Variants in PBX3 observed in about 807,000 individuals in gnomAD.
The protein encoded by PBX3 is pre-B-cell leukemia transcription factor 3.
A neutral mutation model predicts 48.5 loss-of-function variants in PBX3; 14 were observed. The observed-to-expected ratio is 0.29, with a 90% CI of 0.19 to 0.45. PBX3 has a LOEUF of 0.45. Among genes scored for constraint, PBX3 ranks in the 20% least tolerant of loss-of-function variants. PBX3 has a pLI of 1.00. For synonymous variants in PBX3, 210 were observed against 200.3 expected, an observed-to-expected ratio of 1.05 and a Z score of -0.41; for missense variants, 386 against 546.7, an observed-to-expected ratio of 0.71 and a Z score of 2.93.
chr9:125,814,265 A>G (rs971699706), intron 2 of PBX3, among the ~76,000 whole-genome samples: 4 of 134,312 alleles, frequency 3.0e-5, no homozygotes, highest in African/African-American at 8.2e-5. Flanking sequence ...CGCAGTTATT[A>G]TATTTTTCTA....
chr9:125,952,485 A>G (rs1842215104), intron 5 of PBX3, among the ~76,000 whole-genome samples: 1 of 152,220 alleles, frequency 6.6e-6, no homozygotes, highest in South Asian at 2.1e-4. Context: ...TAATTAATAA[A>G]TTGGCTTTCA....
chr9:125,943,307 A>T (rs905775474), intron 5 of PBX3, among the ~76,000 whole-genome samples: 1 of 137,044 alleles, frequency 7.3e-6, no homozygotes, highest in African/African-American at 2.8e-5. Flanking sequence ...GTGAGCCAAG[A>T]TCATGCCATT....
intron 2 of PBX3, among the ~76,000 whole-genome samples, chr9:125,754,789 G>C (rs1307395188): frequency 6.6e-6 from 1 of 151,954 alleles, no homozygotes; most frequent in Non-Finnish European, 1.5e-5. Flanking sequence ...AAAAAAATTG[G>C]TGTGATAGAA....
intron 2 of PBX3, among the ~76,000 whole-genome samples, chr9:125,751,203 A>G (rs764395829): frequency 1.3e-5 from 2 of 152,226 alleles, no homozygotes; most frequent in Admixed American, 1.3e-4. Flanking sequence ...AACCAGAAAC[A>G]TTATGTTGAT....
At chr9:125,879,889 A>G (rs570684211) in intron 2 of PBX3, among the ~76,000 whole-genome samples, 17 of 152,324 alleles carry the variant, frequency 1.1e-4, no homozygotes, top group African/African-American at 4.1e-4. Flanking sequence ...AATGGTTTGA[A>G]TACTTTCTCT....
At chr9:125,776,095 C>A (rs1015818704) in intron 2 of PBX3, among the ~76,000 whole-genome samples, 4 of 152,158 alleles carry the variant, frequency 2.6e-5, no homozygotes, top group Admixed American at 1.3e-4. Flanking sequence ...CTTCTTCTTT[C>A]CTCAATGATC....
chr9:125,861,385 C>T (rs1288915184), intron 2 of PBX3, among the ~76,000 whole-genome samples: 4 of 152,076 alleles, frequency 2.6e-5, no homozygotes. Context: ...AATCCTCCTA[C>T]ACAGCTGGTG....
Position 125,934,709 on chromosome 9 carries a change from T to C in PBX3, c.708-763T>C, listed in dbSNP as rs1219510422. Reference sequence around the variant, plus strand: ...AATCCTTCCCAATGCATTTTTTTTTTCCTAAACTTCCTTCTCTATCTCCCT... The same window carrying C: ...AATCCTTCCCAATGCATTTTTTTTTCCCTAAACTTCCTTCTCTATCTCCCT... On this transcript the variant is annotated intron_variant, in intron 4 of 8. Coordinates refer to ENST00000373489, the MANE Select transcript of PBX3 (RefSeq NM_006195.6). 1.1e-4 allele frequency among the ~76,000 whole-genome samples: 16 copies of C among 152,164 alleles called. No homozygotes were observed. In the South Asian group the frequency reaches 1.7e-3, roughly 16 times the overall value.
At chr9:125,941,984 A>G (rs1355742851) in intron 5 of PBX3, among the ~76,000 whole-genome samples, 1 of 152,274 alleles carries the variant, frequency 6.6e-6, no homozygotes, top group Non-Finnish European at 1.5e-5. Context: ...CTGTAAAGAA[A>G]GGATTGATTT....
At chr9:125,811,826 G>A (rs947960020) in intron 2 of PBX3, among the ~76,000 whole-genome samples, 3 of 151,836 alleles carry the variant, frequency 2.0e-5, no homozygotes, top group African/African-American at 7.3e-5. Flanking sequence ...TTCATCATGG[G>A]GGCTCTGTCC....
intron 2 of PBX3, among the ~76,000 whole-genome samples, chr9:125,897,136 T>G (rs1840788893): frequency 7.4e-6 from 1 of 134,330 alleles, no homozygotes; most frequent in African/African-American, 2.8e-5. Flanking sequence ...TTATATTCAT[T>G]TGTGGTTTTT....
At chr9:125,815,381 C>T (rs1465715255) in intron 2 of PBX3, among the ~76,000 whole-genome samples, 2 of 152,060 alleles carry the variant, frequency 1.3e-5, no homozygotes, top group Non-Finnish European at 2.9e-5. Context: ...AAATTGTTGA[C>T]TGTATATCAT....
At chr9:125,914,810 A>G (rs1009479413) in intron 2 of PBX3, among the ~76,000 whole-genome samples, 2 of 152,222 alleles carry the variant, frequency 1.3e-5, no homozygotes, top group African/African-American at 2.4e-5. Flanking sequence ...TTTTTATACC[A>G]TGATAATTAT....
At chr9:125,820,277 A>G (rs1013725333) in intron 2 of PBX3, among the ~76,000 whole-genome samples, 1 of 152,216 alleles carries the variant, frequency 6.6e-6, no homozygotes, top group African/African-American at 2.4e-5. Flanking sequence ...CTTCACCCAA[A>G]TAGATTGTGG....
At chr9:125,788,227 A>G (rs1564655085) in intron 2 of PBX3, among the ~76,000 whole-genome samples, 2 of 152,250 alleles carry the variant, frequency 1.3e-5, no homozygotes, top group African/African-American at 2.4e-5. Context: ...TGAAACCCAT[A>G]TAAGCACTGT....
intron 2 of PBX3, among the ~76,000 whole-genome samples, chr9:125,816,530 G>A (rs977379133): frequency 3.9e-5 from 6 of 152,190 alleles, no homozygotes; most frequent in Admixed American, 2.0e-4. Flanking sequence ...TAGGTGGAAT[G>A]TATATTACTC....
At chr9:125,941,444 T>C (rs967719760) in intron 5 of PBX3, among the ~76,000 whole-genome samples, 87 of 152,288 alleles carry the variant, frequency 5.7e-4, no homozygotes, top group African/African-American at 2.0e-3. Flanking sequence ...GTACTGACAT[T>C]AGACCCTGGG....
chr9:125,768,292 G>T (rs1836853253), intron 2 of PBX3, among the ~76,000 whole-genome samples: 1 of 152,074 alleles, frequency 6.6e-6, no homozygotes, highest in African/African-American at 2.4e-5. Flanking sequence ...TATTTAATTT[G>T]TTAAACTTTC....
intron 2 of PBX3, among the ~76,000 whole-genome samples, chr9:125,868,047 A>T (rs1326991851): frequency 1.3e-5 from 2 of 151,750 alleles, no homozygotes; most frequent in African/African-American, 4.8e-5. Flanking sequence ...GGTAATTTTC[A>T]TATTTTTTGT....
Sources: allele counts gnomAD v4.1 joint callset (sites outside exome capture counted in the v4.1 genomes callset), GRCh38; gene constraint gnomAD v4.1.1; transcripts MANE v1.5; gene names NCBI Gene and HGNC (gene_info 2026-07-23, HGNC 2026-07-21).